SMARCA4: variants seen among roughly 807,000 people sequenced by gnomAD.
SMARCA4 encodes SWI/SNF-related matrix-associated actin-dependent regulator of chromatin subfamily A member 4.
A neutral mutation model predicts 193.9 loss-of-function variants in SMARCA4; 31 were observed. The ratio of observed to expected loss-of-function variants is 0.16; its 90% CI spans 0.12 to 0.22. The LOEUF is 0.22. SMARCA4 is among the 10% of genes least tolerant of loss of function. SMARCA4 has a pLI of 1.00. For missense variants in SMARCA4, 1,148 were observed against 2,296.0 expected, an observed-to-expected ratio of 0.50 and a Z score of 10.22; for synonymous variants, 942 against 933.1, an observed-to-expected ratio of 1.01 and a Z score of -0.17.
intron 1 of SMARCA4, among the ~76,000 whole-genome samples, chr19:10,973,763 G>T: frequency 6.6e-6 from 1 of 152,068 alleles, no homozygotes; most frequent in Non-Finnish European, 1.5e-5. Context: ...TAGAGACGGG[G>T]TTTCACCGTG....
chr19:11,028,178 G>A (rs1043068062), intron 24 of SMARCA4, among the ~76,000 whole-genome samples: 4 of 152,206 alleles, frequency 2.6e-5, no homozygotes, highest in Admixed American at 1.3e-4. Flanking sequence ...GTCTTTCCAC[G>A]ACAATGCTGG....
intron 30 of SMARCA4, among the ~76,000 whole-genome samples, chr19:11,054,751 T>C (rs2076447197): frequency 6.6e-6 from 1 of 152,224 alleles, no homozygotes; most frequent in Admixed American, 6.5e-5. Context: ...ATCACGCCAC[T>C]GCATGATGTG....
At position 11,052,736 on chromosome 19, in the gene SMARCA4, C is replaced by G. The variant is rs556925076; in HGVS notation, c.4425-5519C>G. Among the ~76,000 whole-genome samples the G allele has an allele frequency of 2.2e-3, 336 of 152,324 alleles. 5 individuals carry two copies. In the South Asian group the frequency reaches 0.027, roughly 12 times the overall value. The stretch of plus-strand genomic sequence containing the variant: ...AAGAGCGAACGCCCCTCAAGCTGCC[C>G]TCCCCCAGCCCTGCAGACAGTGGCC... On this transcript the variant is annotated intron_variant, in intron 30 of 34. Transcript: ENST00000344626.
chr19:11,033,502 C>T lies in SMARCA4; in HGVS notation c.3759C>T (p.His1253=), dbSNP rs369795942. The T allele has an allele frequency of 8.1e-6, 13 of 1,612,838 alleles. No individual in the cohort carries two copies. Among genetic ancestry groups the T allele is most frequent in the South Asian group, 3.3e-5 (3 of 91,088 alleles). ...RRAFLQAILE[H]EEQDESRHCS... ...CCTTCCTGCAGGCCATCCTGGAGCA[C>T]GAGGAGCAGGATGAGGTGAGCCCAG... The change falls in exon 26 of 35, where the codon CAC becomes CAT. Residue 1253 remains histidine (H), a synonymous_variant. Transcript: ENST00000344626. The surrounding 1 kb of genome is among the most constrained non-coding windows in gnomAD (Gnocchi z 9.8).
At chr19:11,024,899 C>A (rs916675111) in intron 21 of SMARCA4, among the ~76,000 whole-genome samples, 1 of 152,002 alleles carries the variant, frequency 6.6e-6, no homozygotes, top group Non-Finnish European at 1.5e-5. Flanking sequence ...GCCTGGCTTC[C>A]CCGAGACGTT....
At position 10,985,201 on chromosome 19, in the gene SMARCA4, G is replaced by C. The variant is rs370116117; in HGVS notation, c.223-72G>C. On this transcript the variant is annotated intron_variant, in intron 2 of 34. Coordinates refer to ENST00000344626, the MANE Select transcript of SMARCA4 (RefSeq NM_003072.5). The surrounding 1 kb of genome is among the most constrained non-coding windows in gnomAD (Gnocchi z 4.5). The stretch of plus-strand genomic sequence containing the variant: ...TTCTCGGTGCCCTCGAGCTTCTCTC[G>C]GGCAGCGCATAGCTGCGCTGCCACC... The C allele has an allele frequency of 6.5e-7, 1 of 1,539,404 alleles. No individual in the cohort carries two copies. Among genetic ancestry groups the C allele is most frequent in the Non-Finnish European group, 9.0e-7 (1 of 1,114,116 alleles).
intron 29 of SMARCA4, among the ~76,000 whole-genome samples, chr19:11,039,267 T>C (rs1410549336): frequency 6.6e-6 from 1 of 152,036 alleles, no homozygotes. Context: ...GTCAGGAGAA[T>C]CACTGGAACC....
intron 30 of SMARCA4, among the ~76,000 whole-genome samples, chr19:11,052,745 C>T (rs2076331269): frequency 1.3e-5 from 2 of 152,216 alleles, no homozygotes; most frequent in Non-Finnish European, 1.5e-5. Context: ...CCTCCCCCAG[C>T]CCTGCAGACA....
At chr19:11,029,088 C>T (rs2090461095) in intron 24 of SMARCA4, among the ~76,000 whole-genome samples, 1 of 152,238 alleles carries the variant, frequency 6.6e-6, no homozygotes, top group African/African-American at 2.4e-5. Flanking sequence ...TCTACAGACA[C>T]GAGTCTGTTG....
Position 10,963,661 on chromosome 19 carries a change from G to A in SMARCA4, c.-32+2487G>A, listed in dbSNP as rs539173099. 3.3e-5 allele frequency among the ~76,000 whole-genome samples: 5 copies of A among 152,284 alleles called. No homozygotes were observed. The South Asian group carries it at 1.0e-3, about 32-fold the overall frequency. On this transcript the variant is annotated intron_variant, in intron 1 of 34. Transcript: ENST00000344626. ...GTAGGGCCCCCCACTTGTGAAACAG[G>A]TAGGACGAGGATGCCCGAAACTTCA...
intron 30 of SMARCA4, among the ~76,000 whole-genome samples, chr19:11,042,284 C>A (rs752624177): frequency 6.6e-6 from 1 of 152,180 alleles, no homozygotes; most frequent in Non-Finnish European, 1.5e-5. Flanking sequence ...TTTCCGTGAG[C>A]GACTCTATAT....
intron 30 of SMARCA4, among the ~76,000 whole-genome samples, chr19:11,052,063 C>G (rs938381212): frequency 3.9e-5 from 6 of 151,938 alleles, no homozygotes; most frequent in African/African-American, 1.5e-4. Flanking sequence ...CCACTGCACT[C>G]CAGCCTGGGC....
chr19:10,973,337 C>T (rs1452088367), intron 1 of SMARCA4, among the ~76,000 whole-genome samples: 1 of 152,034 alleles, frequency 6.6e-6, no homozygotes, highest in Non-Finnish European at 1.5e-5. Context: ...GGTTAGAGGA[C>T]ACTCCCCTAA....
intron 30 of SMARCA4, among the ~76,000 whole-genome samples, chr19:11,055,915 G>A (rs1273999757): frequency 6.6e-6 from 1 of 151,848 alleles, no homozygotes; most frequent in African/African-American, 2.4e-5. Context: ...AATGGAAAAT[G>A]GCAAAGCGCG....
At chr19:11,004,319 G>A (rs936174013) in intron 13 of SMARCA4, among the ~76,000 whole-genome samples, 1 of 150,830 alleles carries the variant, frequency 6.6e-6, no homozygotes, top group African/African-American at 2.4e-5. Flanking sequence ...GCGCGATCTC[G>A]CTCACTGCAA....
Position 11,030,679 on chromosome 19 carries a change from C to T in SMARCA4, c.3383-51C>T, listed in dbSNP as rs1462015426. ...AAGCAGGTGTTCCTTGGTGTCCCCA[C>T]TCTACCCCTGAGGTCACCCCGCTGA... On this transcript the variant is annotated intron_variant, in intron 24 of 34. Transcript: ENST00000344626. The surrounding 1 kb of genome is among the most constrained non-coding windows in gnomAD (Gnocchi z 5.5). The T allele has an allele frequency of 2.6e-6, 4 of 1,559,218 alleles. No individual in the cohort carries two copies. The highest frequency in any genetic ancestry group is 1.4e-5 in the African/African-American group (1 of 74,030).
chr19:11,049,944 A>G (rs1049591581), intron 30 of SMARCA4, among the ~76,000 whole-genome samples: 2 of 152,220 alleles, frequency 1.3e-5, no homozygotes, highest in Admixed American at 6.5e-5. Flanking sequence ...CTCTATTAAA[A>G]TACAAAAATT....
intron 1 of SMARCA4, among the ~76,000 whole-genome samples, chr19:10,976,858 C>T (rs1166960577): frequency 2.0e-5 from 3 of 151,664 alleles, no homozygotes; most frequent in African/African-American, 4.8e-5. Flanking sequence ...AGTTTGAGAC[C>T]AGCCTGGGCA....
chr19:10,991,818 G>A (rs1286039960), intron 8 of SMARCA4, among the ~76,000 whole-genome samples: 1 of 152,164 alleles, frequency 6.6e-6, no homozygotes, highest in Admixed American at 6.5e-5. Context: ...AGGGAGCGCA[G>A]GGAGGTGACG....
Sources: allele counts gnomAD v4.1 joint callset (sites outside exome capture counted in the v4.1 genomes callset), GRCh38; gene constraint gnomAD v4.1.1; non-coding constraint Gnocchi (gnomAD v3.1); transcripts MANE v1.5; gene names NCBI Gene and HGNC (gene_info 2026-07-23, HGNC 2026-07-21).